Variants in NMNAT3 observed in about 807,000 individuals in gnomAD.
The protein encoded by NMNAT3 is nicotinamide/nicotinic acid mononucleotide adenylyltransferase 3.
NMNAT3 carries 21 observed loss-of-function variants against 24.8 expected under a neutral mutation model. The ratio of observed to expected loss-of-function variants is 0.85; its 90% CI spans 0.60 to 1.22. The LOEUF is 1.22. NMNAT3 is among the 50% of genes most tolerant of loss of function. The pLI is 0.00. For synonymous variants in NMNAT3, 136 were observed against 155.2 expected, an observed-to-expected ratio of 0.88 and a Z score of 0.92; for missense variants, 387 against 436.6, an observed-to-expected ratio of 0.89 and a Z score of 1.01.
chr3:139,623,377 A>G (rs1446598417), intron 3 of NMNAT3, among the ~76,000 whole-genome samples: 1 of 152,176 alleles, frequency 6.6e-6, no homozygotes, highest in Non-Finnish European at 1.5e-5. Flanking sequence ...CATCTATGAT[A>G]ACAATGCCTT....
chr3:139,583,324 T>C (rs895801793), intron 3 of NMNAT3: 1 of 1,392,922 alleles, frequency 7.2e-7, no homozygotes. Flanking sequence ...CAATCTTCAA[T>C]GGAAGTTTCA....
chr3:139,627,575 C>T, intron 3 of NMNAT3, 41 bp downstream of exon 4: 1 of 1,214,716 alleles, frequency 8.2e-7, no homozygotes, highest in Non-Finnish European at 1.1e-6. Flanking sequence ...TGAAGCCTAA[C>T]CCACCAGTTC....
intron 3 of NMNAT3, among the ~76,000 whole-genome samples, chr3:139,616,201 CA>C (rs2055494347): frequency 6.6e-6 from 1 of 152,230 alleles, no homozygotes; most frequent in Non-Finnish European, 1.5e-5. Context: ...CAGACATCTA[CA>C]TTGCTGAACT....
rs377626994 is a variant in NMNAT3 at position 139,578,838 on chromosome 3, C to T, written c.575+34G>A. 2.2e-4 allele frequency: 347 copies of T among 1,574,810 alleles called. 2 individuals carry two copies. In the African/African-American group the frequency reaches 4.0e-3, roughly 18 times the overall value. ...AGCTCTGCAGACATCTCCCGTGGCC[C>T]CTGGTCATCACACAGGAGAGTGACT... On this transcript the variant is annotated intron_variant, in intron 5 of 6. Coordinates refer to ENST00000643695, the MANE Select transcript of NMNAT3 (RefSeq NM_001320510.2).
chr3:139,594,397 G>A (rs775790632), intron 3 of NMNAT3, among the ~76,000 whole-genome samples: 6 of 152,158 alleles, frequency 3.9e-5, no homozygotes, highest in East Asian at 1.9e-4. Flanking sequence ...GGAGGAACTC[G>A]TACCATTCCT....
chr3:139,665,933 G>T (rs970822155), intron 1 of NMNAT3, among the ~76,000 whole-genome samples: 1 of 152,092 alleles, frequency 6.6e-6, no homozygotes, highest in Non-Finnish European at 1.5e-5. Context: ...GGAGGCAAAG[G>T]TAGAAGCTAT....
chr3:139,650,060 A>T (rs1017242214), intron 1 of NMNAT3, among the ~76,000 whole-genome samples: 2 of 152,204 alleles, frequency 1.3e-5, no homozygotes, highest in Non-Finnish European at 2.9e-5. Context: ...GGTAACTTCC[A>T]TCTCAAACAC....
intron 1 of NMNAT3, among the ~76,000 whole-genome samples, chr3:139,653,606 C>G (rs1254413380): frequency 6.6e-6 from 1 of 152,206 alleles, no homozygotes; most frequent in Non-Finnish European, 1.5e-5. Flanking sequence ...GGAGGATGCC[C>G]GAGAGGGCTC....
rs1050329577 is a variant in NMNAT3 at position 139,575,897 on chromosome 3, C to G, written c.576-2217G>C. The G allele has an allele frequency of 6.3e-6, 8 of 1,279,916 alleles. No individual in the cohort carries two copies. The African/African-American group carries it at 1.2e-4, about 20-fold the overall frequency. 79.3% of individuals were successfully genotyped at this position (1,279,916 alleles called of 1,614,324 possible). The stretch of plus-strand genomic sequence containing the variant: ...CTGCAGATCCCTGTTTTGAAGATGG[C>G]CATAAGCATGGCTTCAGAGCTCCAC... On this transcript the variant is annotated intron_variant, in intron 5 of 6. Coordinates refer to ENST00000643695, the MANE Select transcript of NMNAT3 (RefSeq NM_001320510.2).
intron 3 of NMNAT3, among the ~76,000 whole-genome samples, chr3:139,623,095 G>C (rs1014381954): frequency 2.0e-5 from 3 of 151,562 alleles, no homozygotes; most frequent in Non-Finnish European, 4.4e-5. Context: ...TTATAAACTT[G>C]ACAACTTTTT....
chr3:139,645,407 C>T (rs1351389784), intron 1 of NMNAT3, among the ~76,000 whole-genome samples: 1 of 152,142 alleles, frequency 6.6e-6, no homozygotes, highest in Non-Finnish European at 1.5e-5. Flanking sequence ...AAACTTGTCT[C>T]TCATAAAATG....
intron 2 of NMNAT3, among the ~76,000 whole-genome samples, chr3:139,633,221 C>T (rs923581210): frequency 1.1e-4 from 16 of 150,612 alleles, no homozygotes; most frequent in Admixed American, 2.0e-4. Context: ...GCTCTTGTTG[C>T]CCAGGCTGGA....
intron 3 of NMNAT3, among the ~76,000 whole-genome samples, chr3:139,585,252 A>C (rs999862592): frequency 4.6e-5 from 7 of 152,024 alleles, no homozygotes; most frequent in African/African-American, 4.8e-5. Flanking sequence ...TTTCTACTCC[A>C]TGTATTTTGG....
chr3:139,634,665 T>C lies in NMNAT3; in HGVS notation c.-41+3298A>G, dbSNP rs2056434356. On this transcript the variant is annotated intron_variant, in intron 2 of 6. Transcript: ENST00000643695. ...AGCCACCCCTTGGAGGAAACAAACA[T>C]GTCAATTAAGCATTCATCCTAATTA... 6.6e-6 allele frequency: 1 copy of C among 152,138 alleles called. No individual in the cohort carries two copies. Among genetic ancestry groups the C allele is most frequent in the Admixed American group, 6.6e-5 (1 of 15,266 alleles). The allele number at this position is 152,138 out of a possible 1,614,324, so 9.4% of individuals were successfully genotyped here. A position where few individuals can be genotyped will look rare whatever the true frequency, so the allele number is the denominator to read the frequency against.
chr3:139,600,088 C>T (rs2054644854), intron 3 of NMNAT3, among the ~76,000 whole-genome samples: 1 of 152,202 alleles, frequency 6.6e-6, no homozygotes, highest in South Asian at 2.1e-4. Context: ...TGTGAAGAGT[C>T]TTCCTTTCAA....
At chr3:139,597,197 T>C (rs1846020) in intron 3 of NMNAT3, among the ~76,000 whole-genome samples, 50,306 of 151,262 alleles carry the variant, frequency 0.33, 10,270 homozygotes, top group South Asian at 0.64. Flanking sequence ...TGGTGGTGAG[T>C]AGGCATTCTT....
intron 1 of NMNAT3, among the ~76,000 whole-genome samples, chr3:139,662,673 G>A (rs1354378325): frequency 1.3e-5 from 2 of 152,126 alleles, no homozygotes; most frequent in Non-Finnish European, 2.9e-5. Flanking sequence ...GGAAGGCCTC[G>A]CTGACTCTAG....
At chr3:139,603,369 C>T (rs866734976) in intron 3 of NMNAT3, among the ~76,000 whole-genome samples, 5 of 152,098 alleles carry the variant, frequency 3.3e-5, no homozygotes, top group African/African-American at 9.7e-5. Flanking sequence ...GGATGCTTTG[C>T]CCATGTTACC....
chr3:139,620,330 A>G (rs572800295), intron 3 of NMNAT3, among the ~76,000 whole-genome samples: 1 of 152,224 alleles, frequency 6.6e-6, no homozygotes, highest in South Asian at 2.1e-4. Flanking sequence ...CCACACCACA[A>G]GTAAGATAAT....
Sources: allele counts gnomAD v4.1 joint callset (sites outside exome capture counted in the v4.1 genomes callset), GRCh38; gene constraint gnomAD v4.1.1; transcripts MANE v1.5; gene names NCBI Gene and HGNC (gene_info 2026-07-23, HGNC 2026-07-21).